Variants in PIEZO2 observed in about 807,000 individuals in gnomAD.
The protein encoded by PIEZO2 is piezo type mechanosensitive ion channel component 2, also known as piezo-type mechanosensitive ion channel component 2.
A neutral mutation model predicts 337.3 loss-of-function variants in PIEZO2; 172 were observed. The observed-to-expected ratio is 0.51, with a 90% CI of 0.45 to 0.58. The LOEUF (loss-of-function observed/expected upper bound fraction) is 0.58, where lower values mean the gene tolerates loss of function less well. PIEZO2 is among the 20% of genes least tolerant of loss of function. PIEZO2 has a pLI of 0.00. For synonymous variants in PIEZO2, 1,251 were observed against 1,228.5 expected, an observed-to-expected ratio of 1.02 and a Z score of -0.38; for missense variants, 3,028 against 3,391.3, an observed-to-expected ratio of 0.89 and a Z score of 2.66.
chr18:10,748,205 G>A lies in PIEZO2; in HGVS notation c.4424+266C>T, dbSNP rs1003634453. Reference sequence around the variant, plus strand: ...CTGAGCCACTTCTAGAGAAGTGGTGGATTCTGCAAGGGCTTCAATTGACCA... The same window carrying A: ...CTGAGCCACTTCTAGAGAAGTGGTGAATTCTGCAAGGGCTTCAATTGACCA... On this transcript the variant is annotated intron_variant, in intron 30 of 55. Transcript: ENST00000674853. The surrounding 1 kb of genome is among the most constrained non-coding windows in gnomAD (Gnocchi z 5.1). Among the ~76,000 whole-genome samples the A allele has an allele frequency of 6.6e-6, 1 of 152,124 alleles. No individual in the cohort carries two copies. Among genetic ancestry groups the A allele is most frequent in the Non-Finnish European group, 1.5e-5 (1 of 68,016 alleles).
At position 10,813,771 on chromosome 18, in the gene PIEZO2, C is replaced by T. The variant is rs939698866; in HGVS notation, c.918-6497G>A. The stretch of plus-strand genomic sequence containing the variant: ...ATAGCCATAAGTGAAATTGTTGGAT[C>T]GTATGACCATTCTATTTTTAATAGA... On this transcript the variant is annotated intron_variant, in intron 7 of 55. Coordinates refer to ENST00000674853, the MANE Select transcript of PIEZO2 (RefSeq NM_001378183.1). This position sits in a 1 kb window ranked among gnomAD's most constrained non-coding sequence, Gnocchi z 4.2. Among the ~76,000 whole-genome samples the T allele has an allele frequency of 2.0e-5, 3 of 152,022 alleles. No homozygotes were observed. Among genetic ancestry groups the T allele is most frequent in the African/African-American group, 4.8e-5 (2 of 41,368 alleles).
chr18:10,779,771 CT>C (rs1421077138), intron 18 of PIEZO2, among the ~76,000 whole-genome samples: 5 of 152,200 alleles, frequency 3.3e-5, no homozygotes, highest in Admixed American at 3.3e-4. Context: ...ATGGGGACAT[CT>C]TGGTGAATCA....
At chr18:11,075,219 G>A (rs2038487394) in intron 1 of PIEZO2, among the ~76,000 whole-genome samples, 1 of 152,076 alleles carries the variant, frequency 6.6e-6, no homozygotes, top group Admixed American at 6.6e-5. Flanking sequence ...CTTTCTGTAC[G>A]CTGAAGCAAT....
intron 1 of PIEZO2, among the ~76,000 whole-genome samples, chr18:11,075,786 C>CTT (rs147029235): frequency 4.6e-4 from 58 of 125,238 alleles, no homozygotes; most frequent in Admixed American, 7.2e-4. Flanking sequence ...AGATATATTT[C>CTT]TTTTTTTTTT....
chr18:10,694,629 G>A (rs2035002922), intron 47 of PIEZO2, among the ~76,000 whole-genome samples: 1 of 152,136 alleles, frequency 6.6e-6, no homozygotes, highest in African/African-American at 2.4e-5. Flanking sequence ...CCAGGCCTCT[G>A]AGACCAGCCT....
intron 4 of PIEZO2, among the ~76,000 whole-genome samples, chr18:10,886,487 C>CATATATATATATATGTATATATATAT: frequency 1.2e-3 from 53 of 45,882 alleles, no homozygotes; most frequent in Non-Finnish European, 1.5e-3. Context: ...ATATCCAAAC[C>CATATATATATATATGTATATATATAT]ATATATATAT....
intron 36 of PIEZO2, chr18:10,725,606 G>A (rs1325950966): frequency 7.6e-7 from 1 of 1,313,462 alleles, no homozygotes; most frequent in African/African-American, 1.5e-5. Context: ...CTGAGCAGCC[G>A]CCTCCGCCCT....
rs1240407451 is a variant in PIEZO2 at position 10,856,025 on chromosome 18, A to G, written c.704-459T>C. On this transcript the variant is annotated intron_variant, in intron 6 of 55. Coordinates refer to ENST00000674853, the MANE Select transcript of PIEZO2 (RefSeq NM_001378183.1). The surrounding 1 kb of genome is among the most constrained non-coding windows in gnomAD (Gnocchi z 4.7). ...GTACATCCTGGCCAATTAAACTCTC[A>G]CTGTGCCATGCTTATTTTATTTTAT... Among the ~76,000 whole-genome samples, 1 of 151,756 alleles carries G rather than the reference A, an allele frequency of 6.6e-6. No individual in the cohort carries two copies. The highest frequency in any genetic ancestry group is 1.5e-5 in the Non-Finnish European group (1 of 67,938).
chr18:10,717,613 A>G (rs1365375238), intron 37 of PIEZO2, among the ~76,000 whole-genome samples: 1 of 152,182 alleles, frequency 6.6e-6, no homozygotes, highest in Non-Finnish European at 1.5e-5. Context: ...GCATAAAGAT[A>G]CCTTCCTCCA....
At position 10,855,433 on chromosome 18, in the gene PIEZO2, A is replaced by T; in HGVS notation, c.837T>A (p.Thr279=). 2 of 1,537,232 alleles carry T rather than the reference A, an allele frequency of 1.3e-6. No homozygotes were observed. The highest frequency in any genetic ancestry group is 1.7e-6 in the Non-Finnish European group (2 of 1,146,874). The change falls in exon 7 of 56, where the codon ACT becomes ACA. Residue 279 remains threonine, a synonymous_variant. Transcript: ENST00000674853. The surrounding 1 kb of genome is among the most constrained non-coding windows in gnomAD (Gnocchi z 4.9). ...AATAAAGTCCAATCAAATGTCCAGC[A>T]GTGAAAATAGCCAGCAGAACACAGA... ...SCLCVLLAIF[T]AGHLIGLYLY... is the part of the protein sequence containing the mutation.
In PIEZO2 at chr18:11,080,037, C is replaced by T. The variant is rs1387513383; in HGVS notation, c.65-13815G>A. Among the ~76,000 whole-genome samples, 1 of 152,174 alleles carries T rather than the reference C, an allele frequency of 6.6e-6. No individual in the cohort carries two copies. Among genetic ancestry groups the T allele is most frequent in the East Asian group, 1.9e-4 (1 of 5,194 alleles). On this transcript the variant is annotated intron_variant, in intron 1 of 55. Coordinates refer to ENST00000674853, the MANE Select transcript of PIEZO2 (RefSeq NM_001378183.1). The surrounding 1 kb of genome is among the most constrained non-coding windows in gnomAD (Gnocchi z 5.4). Reference sequence around the variant, plus strand: ...GGAAGTTAAGGCTCAGAAGGATGCACACACTGTCCAGTGTCAAGGAAAAAC... The same window carrying T: ...GGAAGTTAAGGCTCAGAAGGATGCATACACTGTCCAGTGTCAAGGAAAAAC...
chr18:11,117,370 T>C (rs776013741), intron 1 of PIEZO2, among the ~76,000 whole-genome samples: 11 of 152,206 alleles, frequency 7.2e-5, no homozygotes, highest in Non-Finnish European at 1.5e-4. Context: ...ACCAGGGATG[T>C]ACCCAACTAG....
chr18:10,974,378 C>T (rs1243596870), intron 3 of PIEZO2, among the ~76,000 whole-genome samples: 1 of 152,168 alleles, frequency 6.6e-6, no homozygotes, highest in Non-Finnish European at 1.5e-5. Flanking sequence ...AGCAATGCAT[C>T]TGAGGGGGCT....
At position 10,773,399 on chromosome 18, in the gene PIEZO2, G is replaced by C. The variant is rs754051560; in HGVS notation, c.2785+13C>G. The C allele has an allele frequency of 6.5e-7, 1 of 1,536,906 alleles. No homozygotes were observed. The highest frequency in any genetic ancestry group is 1.2e-5 in the South Asian group (1 of 84,060). ...AGCGTTCTCTGACCAGCTGCTGGTAGTGGGCTGATTACCTGATGTTTCTTC... is the reference window on the plus strand; with the variant it reads ...AGCGTTCTCTGACCAGCTGCTGGTACTGGGCTGATTACCTGATGTTTCTTC... On this transcript the variant is annotated intron_variant, in intron 20 of 55. Transcript: ENST00000674853. The surrounding 1 kb of genome is among the most constrained non-coding windows in gnomAD (Gnocchi z 5.3).
chr18:10,694,364 C>T (rs575336248), intron 47 of PIEZO2, among the ~76,000 whole-genome samples: 10 of 151,842 alleles, frequency 6.6e-5, no homozygotes, highest in Admixed American at 2.6e-4. Context: ...GAGCCACATA[C>T]GTAAAATCCA....
Position 11,148,583 on chromosome 18 carries a change from G to C in PIEZO2, c.6C>G (p.Ala2=), listed in dbSNP as rs2040869368. 1 of 1,537,150 alleles carries C rather than the reference G, an allele frequency of 6.5e-7. No individual in the cohort carries two copies. Among genetic ancestry groups the C allele is most frequent in the South Asian group, 1.2e-5 (1 of 84,060 alleles). ...AGATGAGCCCGCACACCACTTCTGA[G>C]GCCATCGCGTCGGTCCGGCGAGTCG... M[A]SEVVCGLIFR... The change falls in exon 1 of 56, where the codon GCC becomes GCG. Residue 2 remains alanine (A), a synonymous_variant. Coordinates refer to ENST00000674853, the MANE Select transcript of PIEZO2 (RefSeq NM_001378183.1). The surrounding 1 kb of genome is among the most constrained non-coding windows in gnomAD (Gnocchi z 5.2).
At chr18:10,704,171 C>A in intron 42 of PIEZO2, 1 of 590,030 alleles carries the variant, frequency 1.7e-6, no homozygotes, top group South Asian at 2.1e-5. Context: ...ACCCGCCGTG[C>A]GTGAGGTGTG....
rs1468336902 is a variant in PIEZO2 at position 11,028,570 on chromosome 18, C to T, written c.160+37557G>A. Among the ~76,000 whole-genome samples the T allele has an allele frequency of 6.6e-6, 1 of 152,140 alleles. No individual in the cohort carries two copies. Among genetic ancestry groups the T allele is most frequent in the Admixed American group, 6.6e-5 (1 of 15,260 alleles). ...GCTACCGCACCCAGTCTATACGTGG[C>T]CATCTTATATGGTCATTGACACTGT... On this transcript the variant is annotated intron_variant, in intron 2 of 55. Transcript: ENST00000674853. The surrounding 1 kb of genome is among the most constrained non-coding windows in gnomAD (Gnocchi z 4.8).
intron 3 of PIEZO2, among the ~76,000 whole-genome samples, chr18:10,966,135 C>T (rs79567582): frequency 0.014 from 2,187 of 152,278 alleles, 45 homozygotes; most frequent in African/African-American, 0.049. Flanking sequence ...AAACCCTCCT[C>T]CATCACGCTG....
Sources: gnomAD v4.1 joint callset for allele counts (sites outside exome capture counted in the v4.1 genomes callset) on GRCh38, gnomAD v4.1.1 for gene constraint, Gnocchi (gnomAD v3.1) non-coding constraint, MANE v1.5 for transcripts, NCBI Gene and HGNC (gene_info 2026-07-23, HGNC 2026-07-21) for gene names.